The following HS3ST3B1 variants were observed in gnomAD, a reference collection of about 807,000 sequenced individuals.
The protein encoded by HS3ST3B1 is heparan sulfate-glucosamine 3-sulfotransferase 3B1, also known as heparan sulfate glucosamine 3-O-sulfotransferase 3B1.
HS3ST3B1 carries 13 observed loss-of-function variants against 21.3 expected under a neutral mutation model. The ratio of observed to expected loss-of-function variants is 0.61; its 90% CI spans 0.40 to 0.97. The LOEUF (loss-of-function observed/expected upper bound fraction) is 0.97, where lower values mean the gene tolerates loss of function less well. Among genes scored for constraint, HS3ST3B1 ranks in the 50% least tolerant of loss-of-function variants. HS3ST3B1 has a pLI of 0.00. For missense variants in HS3ST3B1, 459 were observed against 554.8 expected, an observed-to-expected ratio of 0.83 and a Z score of 1.73; for synonymous variants, 234 against 254.8, an observed-to-expected ratio of 0.92 and a Z score of 0.78.
Position 14,333,061 on chromosome 17 carries a change from GTGAGACCC to G in HS3ST3B1, c.555-11964_555-11957del, listed in dbSNP as rs539645120. On this transcript the variant is annotated intron_variant, in intron 1 of 1. Coordinates refer to ENST00000360954, the MANE Select transcript of HS3ST3B1 (RefSeq NM_006041.3). ...CCATGATGTTGGTCTTGGTTAAGGA[GTGAGACCC>G]TGTGCGTCCCCAGAGGAGAAAATGA... Among the ~76,000 whole-genome samples, 14 of 152,094 alleles carry G rather than the reference GTGAGACCC, an allele frequency of 9.2e-5. No individual in the cohort carries two copies. In the East Asian group the frequency reaches 2.7e-3, roughly 29 times the overall value.
chr17:14,302,278 A>T (rs1385276382), intron 1 of HS3ST3B1, among the ~76,000 whole-genome samples: 2 of 152,166 alleles, frequency 1.3e-5, no homozygotes, highest in African/African-American at 4.8e-5. Context: ...ACCCACAGAA[A>T]GTTCTCGCGG....
At chr17:14,309,462 C>T (rs1026297445) in intron 1 of HS3ST3B1, among the ~76,000 whole-genome samples, 3 of 152,156 alleles carry the variant, frequency 2.0e-5, no homozygotes, top group Admixed American at 6.5e-5. Flanking sequence ...CGGCGGGACC[C>T]GTCTTCGCGC....
Position 14,301,306 on chromosome 17 carries a change from C to G in HS3ST3B1, c.-213C>G. 2.0e-6 allele frequency: 1 copy of G among 499,286 alleles called. No homozygotes were observed. Among genetic ancestry groups the G allele is most frequent in the South Asian group, 3.4e-5 (1 of 29,496 alleles). The allele number at this position is 499,286 out of a possible 1,614,324, so 30.9% of individuals were successfully genotyped here. Reference sequence around the variant, plus strand: ...CGACTTTCCGTTCCAGTTGCAGCTCCTGCCGGGCAACATGTCAAGAGCCGC... The same window carrying G: ...CGACTTTCCGTTCCAGTTGCAGCTCGTGCCGGGCAACATGTCAAGAGCCGC... On this transcript the variant is annotated 5_prime_UTR_variant, in exon 1 of 2. Coordinates refer to ENST00000360954, the MANE Select transcript of HS3ST3B1 (RefSeq NM_006041.3).
chr17:14,316,935 T>A (rs1028011655), intron 1 of HS3ST3B1, among the ~76,000 whole-genome samples: 1 of 152,202 alleles, frequency 6.6e-6, no homozygotes, highest in African/African-American at 2.4e-5. Context: ...CTTGCCATAG[T>A]TATCTTATTA....
intron 1 of HS3ST3B1, among the ~76,000 whole-genome samples, chr17:14,340,863 G>T (rs777436876): frequency 1.3e-5 from 2 of 152,180 alleles, no homozygotes; most frequent in South Asian, 4.1e-4. Flanking sequence ...GATTCCAGGC[G>T]TGAGCCACCA....
At chr17:14,311,819 A>G (rs973233143) in intron 1 of HS3ST3B1, among the ~76,000 whole-genome samples, 1 of 152,106 alleles carries the variant, frequency 6.6e-6, no homozygotes, top group Admixed American at 6.6e-5. Flanking sequence ...ATCAACTTGT[A>G]TGCATCGTTT....
intron 1 of HS3ST3B1, among the ~76,000 whole-genome samples, chr17:14,317,990 G>T (rs1164681100): frequency 6.6e-6 from 1 of 152,124 alleles, no homozygotes; most frequent in Non-Finnish European, 1.5e-5. Flanking sequence ...GCTCCCAAAG[G>T]AACAAGCAGC....
chr17:14,301,761 G>A lies in HS3ST3B1; in HGVS notation c.243G>A (p.Pro81=), dbSNP rs1173410317. Residue 81 remains proline, a synonymous_variant, in exon 1 of 2, where the codon CCG becomes CCA. Coordinates refer to ENST00000360954, the MANE Select transcript of HS3ST3B1 (RefSeq NM_006041.3). The part of the protein sequence containing the change: ...AHDPPALATA[P]DGTPPRLPFR... Reference sequence around the variant, plus strand: ...ACCCGCCAGCCCTGGCCACAGCTCCGGACGGGACGCCCCCCAGGCTGCCGT... The same window carrying A: ...ACCCGCCAGCCCTGGCCACAGCTCCAGACGGGACGCCCCCCAGGCTGCCGT... 6.3e-6 allele frequency: 10 copies of A among 1,579,714 alleles called. No homozygotes were observed. The highest frequency in any genetic ancestry group is 5.5e-5 in the Admixed American group (3 of 54,908).
chr17:14,333,368 G>A, intron 1 of HS3ST3B1, among the ~76,000 whole-genome samples: 1 of 151,846 alleles, frequency 6.6e-6, no homozygotes, highest in East Asian at 1.9e-4. Flanking sequence ...TCGGGAGGCT[G>A]AGGCAGGAGA....
intron 1 of HS3ST3B1, among the ~76,000 whole-genome samples, chr17:14,318,287 A>G (rs1214461493): frequency 6.6e-6 from 1 of 152,100 alleles, no homozygotes; most frequent in Non-Finnish European, 1.5e-5. Context: ...AGTCCTGCTG[A>G]GAGAGGATCC....
intron 1 of HS3ST3B1, among the ~76,000 whole-genome samples, chr17:14,322,898 C>CTTTTTTTTTTTTTT (rs34065582): frequency 1.1e-5 from 1 of 94,584 alleles, no homozygotes. Flanking sequence ...GTGTCTATGT[C>CTTTTTTTTTTTTTT]TTTTTTTTTT....
chr17:14,344,877 C>A, intron 1 of HS3ST3B1, 151 bp from the exon 2 acceptor site: 1 of 1,255,278 alleles, frequency 8.0e-7, no homozygotes, highest in Non-Finnish European at 1.1e-6. Context: ...GCTAATCTAC[C>A]TTTCAGCTCT....
In HS3ST3B1 at chr17:14,302,659, A is replaced by T. The variant is rs542386411; in HGVS notation, c.554+587A>T. ...CGCTCGCGAGCCGCCTGGGCTCGGG[A>T]GGGTGAGCCGGGCGGGTGGCCCGGC... On this transcript the variant is annotated intron_variant, in intron 1 of 1. Transcript: ENST00000360954. Among the ~76,000 whole-genome samples the T allele has an allele frequency of 4.0e-5, 6 of 151,890 alleles. No individual in the cohort carries two copies. In the East Asian group the frequency reaches 1.2e-3, roughly 30 times the overall value.
chr17:14,308,175 C>A lies in HS3ST3B1; in HGVS notation c.554+6103C>A, dbSNP rs149603112. Among the ~76,000 whole-genome samples the A allele has an allele frequency of 7.7e-4, 117 of 152,264 alleles. 2 individuals are homozygous for A. The South Asian group carries it at 0.016, about 21-fold the overall frequency. On this transcript the variant is annotated intron_variant, in intron 1 of 1. Coordinates refer to ENST00000360954, the MANE Select transcript of HS3ST3B1 (RefSeq NM_006041.3). The stretch of plus-strand genomic sequence containing the variant: ...CAAATAAAACTGATGTTCGTGCATG[C>A]TGATTTTTATTTCTGATTTTTCTTG...
intron 1 of HS3ST3B1, among the ~76,000 whole-genome samples, chr17:14,307,502 A>C (rs1469054480): frequency 2.6e-5 from 4 of 152,042 alleles, no homozygotes; most frequent in African/African-American, 9.7e-5. Context: ...TTTTGTTTAT[A>C]ATATGTTGTA....
intron 1 of HS3ST3B1, among the ~76,000 whole-genome samples, chr17:14,310,025 C>G (rs71366147): frequency 0.02 from 3,006 of 152,334 alleles, 39 homozygotes; most frequent in Non-Finnish European, 0.033. Context: ...GGATAATCCT[C>G]TTTCCACCCA....
chr17:14,302,456 G>A (rs1026909373), intron 1 of HS3ST3B1, among the ~76,000 whole-genome samples: 2 of 152,168 alleles, frequency 1.3e-5, no homozygotes, highest in African/African-American at 4.8e-5. Context: ...CGAGACGCTG[G>A]GAATGTTCTG....
At chr17:14,322,018 A>G (rs866564560) in intron 1 of HS3ST3B1, among the ~76,000 whole-genome samples, 11 of 151,060 alleles carry the variant, frequency 7.3e-5, no homozygotes, top group Non-Finnish European at 1.2e-4. Context: ...AGTGCTGTTT[A>G]TTTCATTATA....
At chr17:14,324,255 C>A (rs1909742426) in intron 1 of HS3ST3B1, among the ~76,000 whole-genome samples, 1 of 152,140 alleles carries the variant, frequency 6.6e-6, no homozygotes, top group Admixed American at 6.5e-5. Flanking sequence ...TCAAAACTTC[C>A]TGGGTTACTG....
Sources: gnomAD v4.1 joint callset for allele counts (sites outside exome capture counted in the v4.1 genomes callset) on GRCh38, gnomAD v4.1.1 for gene constraint, MANE v1.5 for transcripts, NCBI Gene and HGNC (gene_info 2026-07-23, HGNC 2026-07-21) for gene names.